TASOR2: variants seen among roughly 807,000 people sequenced by gnomAD.
TASOR2 encodes protein TASOR 2.
TASOR2 carries 84 observed loss-of-function variants against 199.5 expected under a neutral mutation model. The ratio of observed to expected loss-of-function variants is 0.42; its 90% CI spans 0.35 to 0.50. TASOR2 has a LOEUF of 0.50. TASOR2 is among the 20% of genes least tolerant of loss of function. TASOR2 has a pLI of 0.02. For missense variants in TASOR2, 2,796 were observed against 2,835.9 expected, an observed-to-expected ratio of 0.99 and a Z score of 0.32; for synonymous variants, 1,103 against 1,046.6, an observed-to-expected ratio of 1.05 and a Z score of -1.04.
Position 5,687,178 on chromosome 10 carries a change from C to G in TASOR2, c.-288+2003C>G, listed in dbSNP as rs1458517900. ...GTCAGTACATGTTAATGGTATATTT[C>G]ATAACAAAAATTAATAAAAGCTTTA... On this transcript the variant is annotated intron_variant, in intron 1 of 20. Coordinates refer to ENST00000328090, the Ensembl canonical transcript of TASOR2. The surrounding 1 kb of genome is among the most constrained non-coding windows in gnomAD (Gnocchi z 4.8). 6.6e-6 allele frequency among the ~76,000 whole-genome samples: 1 copy of G among 152,074 alleles called. No individual in the cohort carries two copies. The highest frequency in any genetic ancestry group is 1.5e-5 in the Non-Finnish European group (1 of 68,016).
intron 1 of TASOR2, among the ~76,000 whole-genome samples, chr10:5,708,029 G>C (rs972642458): frequency 6.6e-6 from 1 of 152,014 alleles, no homozygotes; most frequent in Non-Finnish European, 1.5e-5. Flanking sequence ...AAAAAATTTT[G>C]AATGTATCCA....
chr10:5,731,057 C>A lies in TASOR2; in HGVS notation c.1058C>A (p.Ala353Asp). The change falls in exon 11 of 21, where the codon GCC becomes GAC. Residue 353 changes from alanine (A) to aspartate (D), a missense_variant. Ala to Asp is a moderately radical substitution (Grantham distance 126, BLOSUM62 -2). This residue lies in a region of TASOR2 where 847 missense variants were observed against 887.4 expected (regional missense o/e 0.95). Coordinates refer to ENST00000328090, the Ensembl canonical transcript of TASOR2. ...CTGAGAGTGCAGCCTAAGAGGAAGG[C>A]CAGCATGCCCCACATGGTGCAGAGT... The A allele has an allele frequency of 1.9e-6, 3 of 1,614,036 alleles. No homozygotes were observed. The South Asian group carries it at 3.3e-5, about 18-fold the overall frequency.
At chr10:5,746,230 C>G (rs1167700285) in exon 15 of TASOR2, 2 of 1,610,704 alleles carry the variant, frequency 1.2e-6, no homozygotes, top group Non-Finnish European at 1.7e-6. Flanking sequence ...TAATCTTGTG[C>G]TTTCGGGTAT....
exon 21 of TASOR2, chr10:5,763,039 T>G (rs1840130729): frequency 6.2e-7 from 1 of 1,612,022 alleles, no homozygotes; most frequent in South Asian, 1.1e-5. Flanking sequence ...GTGACTCAAC[T>G]ACAGCCTGCC....
rs1833499537 is a variant in TASOR2 at position 5,722,494 on chromosome 10, A to G, written c.147-1183A>G. On this transcript the variant is annotated intron_variant, in intron 6 of 20. Coordinates refer to ENST00000328090, the Ensembl canonical transcript of TASOR2. The surrounding 1 kb of genome is among the most constrained non-coding windows in gnomAD (Gnocchi z 4.0). Reference sequence around the variant, plus strand: ...AAAAAATTTCCTGTTTAAAGGAATCACACAGAGAGGTATGTGACATAAAAG... The same window carrying G: ...AAAAAATTTCCTGTTTAAAGGAATCGCACAGAGAGGTATGTGACATAAAAG... 6.6e-6 allele frequency among the ~76,000 whole-genome samples: 1 copy of G among 152,066 alleles called. No individual in the cohort carries two copies. The highest frequency in any genetic ancestry group is 1.5e-5 in the Non-Finnish European group (1 of 67,992).
In TASOR2 at chr10:5,744,518, G is replaced by C. The variant is rs528326411; in HGVS notation, c.2758-1661G>C. 9.2e-5 allele frequency among the ~76,000 whole-genome samples: 14 copies of C among 152,124 alleles called. No individual in the cohort carries two copies. In the East Asian group the frequency reaches 2.7e-3, roughly 29 times the overall value. On this transcript the variant is annotated intron_variant, in intron 14 of 20. Transcript: ENST00000328090. Reference sequence around the variant, plus strand: ...GGGTTTCACCATGTTGGCCAAGCTGGTCTATAACTCCTAACCTTAGGCAAT... The same window carrying C: ...GGGTTTCACCATGTTGGCCAAGCTGCTCTATAACTCCTAACCTTAGGCAAT...
At chr10:5,739,805 T>C in exon 13 of TASOR2, 1 of 1,614,236 alleles carries the variant, frequency 6.2e-7, no homozygotes, top group Non-Finnish European at 8.5e-7. Context: ...TAAGCTCTGC[T>C]ACTTCTTCCA....
At chr10:5,688,219 G>A (rs1004902018) in intron 1 of TASOR2, among the ~76,000 whole-genome samples, 1 of 151,900 alleles carries the variant, frequency 6.6e-6, no homozygotes, top group Non-Finnish European at 1.5e-5. Flanking sequence ...ACAGTTTTGT[G>A]TTTTTGTTTC....
chr10:5,739,744 C>G (rs1450295775), exon 13 of TASOR2: 2 of 1,614,156 alleles, frequency 1.2e-6, no homozygotes, highest in Non-Finnish European at 1.7e-6. Context: ...CCTGAAAACT[C>G]CATCGTCAAC....
intron 1 of TASOR2, among the ~76,000 whole-genome samples, chr10:5,688,395 A>ATTTTTTTTTTTTTTTTTTTTTTTT: frequency 1.0e-5 from 1 of 99,892 alleles, no homozygotes; most frequent in Non-Finnish European, 1.9e-5. Context: ...CTAATTTTTA[A>ATTTTTTTTTTTTTTTTTTTTTTTT]TTTTTTTTTT....
intron 19 of TASOR2, 82 bp downstream of exon 20, chr10:5,761,553 G>T (rs913908845): frequency 1.7e-6 from 2 of 1,207,560 alleles, no homozygotes; most frequent in Non-Finnish European, 2.3e-6. Flanking sequence ...CTGATGAAGA[G>T]TATCAGGTAT....
chr10:5,741,287 CAGT>C (rs1836389155), intron 13 of TASOR2, among the ~76,000 whole-genome samples: 2 of 152,106 alleles, frequency 1.3e-5, no homozygotes, highest in African/African-American at 4.8e-5. Flanking sequence ...AGTGACTGGC[CAGT>C]AGTAGTAATA....
intron 11 of TASOR2, among the ~76,000 whole-genome samples, chr10:5,734,456 G>C (rs2131600787): frequency 6.6e-6 from 1 of 152,222 alleles, no homozygotes. Flanking sequence ...CTTTCCTCAG[G>C]CTTCCCATCT....
intron 14 of TASOR2, among the ~76,000 whole-genome samples, chr10:5,745,144 G>A (rs1837003695): frequency 6.6e-6 from 1 of 152,158 alleles, no homozygotes; most frequent in Non-Finnish European, 1.5e-5. Flanking sequence ...CTGTTTATGA[G>A]GTTATGAGAA....
At chr10:5,703,503 A>ATTTTTTTTTTTTTTTTTTTT (rs371366460) in intron 1 of TASOR2, among the ~76,000 whole-genome samples, 2 of 110,260 alleles carry the variant, frequency 1.8e-5, no homozygotes, top group Non-Finnish European at 3.5e-5. Context: ...GGTTTTTCTG[A>ATTTTTTTTTTTTTTTTTTTT]TTTTTTTTTT....
intron 12 of TASOR2, among the ~76,000 whole-genome samples, chr10:5,736,505 T>C (rs1040843143): frequency 2.6e-5 from 4 of 152,108 alleles, no homozygotes; most frequent in Non-Finnish European, 5.9e-5. Context: ...CCTGCCTGGC[T>C]CAGCCTCCCA....
intron 1 of TASOR2, among the ~76,000 whole-genome samples, chr10:5,708,182 C>T (rs564095336): frequency 2.6e-4 from 39 of 152,228 alleles, no homozygotes; most frequent in Non-Finnish European, 4.4e-4. Context: ...TCTTTTTCTT[C>T]GTTCTTATTC....
chr10:5,723,594 C>A, intron 6 of TASOR2, 83 bp from the exon 8 acceptor site: 2 of 764,548 alleles, frequency 2.6e-6, no homozygotes, highest in African/African-American at 1.8e-5. Flanking sequence ...TTTTTGTTTA[C>A]ATTTATATTA....
At chr10:5,718,519 G>A (rs10795515) in intron 3 of TASOR2, among the ~76,000 whole-genome samples, 81,903 of 151,464 alleles carry the variant, frequency 0.54, 22,727 homozygotes, top group Middle Eastern at 0.66. Flanking sequence ...AGGCCGAGGC[G>A]GGTGGATCAC....
Sources: allele counts gnomAD v4.1 joint callset (sites outside exome capture counted in the v4.1 genomes callset), GRCh38; gene constraint gnomAD v4.1.1; regional missense constraint gnomAD v4.1.1; non-coding constraint Gnocchi (gnomAD v3.1); transcripts MANE v1.5; gene names NCBI Gene and HGNC (gene_info 2026-07-23, HGNC 2026-07-21).